The following ESD variants were observed in gnomAD, a reference collection of about 807,000 sequenced individuals.
The protein encoded by ESD is S-formylglutathione hydrolase.
A neutral mutation model predicts 38.1 loss-of-function variants in ESD; 34 were observed. The observed-to-expected ratio is 0.89, with a 90% CI of 0.68 to 1.19. The LOEUF is 1.19. Ranked by LOEUF, ESD falls within the 50% of genes most tolerant of loss-of-function variation. The pLI is 0.00. For synonymous variants in ESD, 97 were observed against 107.0 expected (o/e 0.91, Z 0.58); for missense variants, 334 against 327.2 (o/e 1.02, Z -0.16).
At chr13:46,786,890 G>C in intron 4 of ESD, 131 bp downstream of exon 4, 1 of 441,312 alleles carries the variant, frequency 2.3e-6, no homozygotes. Flanking sequence ...TAACAGAGTA[G>C]ACTATGACAG....
intron 3 of ESD, among the ~76,000 whole-genome samples, chr13:46,789,822 TTA>T (rs1875327230): frequency 6.6e-6 from 1 of 151,776 alleles, no homozygotes; most frequent in African/African-American, 2.4e-5. Context: ...TTTTTTTATT[TTA>T]TGTTTTTTGA....
At position 46,789,496 on chromosome 13, in the gene ESD, C is replaced by T. The variant is rs1363368383; in HGVS notation, c.68+1850G>A. ...GAGAATTTTCTTTGTTCCCAACACT[C>T]TAAAACTTTACTATGTTGTTGGTGT... is the stretch of plus-strand genomic sequence containing the variant. On this transcript the variant is annotated intron_variant, in intron 3 of 9. Transcript: ENST00000378720. Among the ~76,000 whole-genome samples the T allele has an allele frequency of 3.3e-5, 5 of 152,188 alleles. 1 individual carries two copies. The highest frequency in any genetic ancestry group is 1.2e-4 in the African/African-American group (5 of 41,454).
At chr13:46,793,864 G>T (rs1875478043) in intron 1 of ESD, among the ~76,000 whole-genome samples, 1 of 151,938 alleles carries the variant, frequency 6.6e-6, no homozygotes, top group African/African-American at 2.4e-5. Flanking sequence ...AGTCGAACTT[G>T]TAACATGGGG....
intron 3 of ESD, among the ~76,000 whole-genome samples, chr13:46,788,818 T>C (rs1875289538): frequency 1.3e-5 from 2 of 152,072 alleles, no homozygotes; most frequent in Non-Finnish European, 2.9e-5. Flanking sequence ...CATGTATCAC[T>C]AATTCAATAC....
At chr13:46,788,864 C>T (rs145438003) in intron 3 of ESD, among the ~76,000 whole-genome samples, 1,935 of 152,104 alleles carry the variant, frequency 0.013, 22 homozygotes, top group Admixed American at 0.021. Context: ...TCATAAATTT[C>T]CTCTCTAATA....
Position 46,781,491 on chromosome 13 carries a change from C to G in ESD, c.501+5G>C, listed in dbSNP as rs1251081180. On this transcript the variant is annotated splice_donor_5th_base_variant and intron_variant, in intron 7 of 9. Transcript: ENST00000378720. ...ATTTATCACTAGAAGTTTAGATAAT[C>G]TTACTTTGTATTTTCCAGGATTTTT... 6.3e-7 allele frequency: 1 copy of G among 1,588,432 alleles called. No homozygotes were observed. Among genetic ancestry groups the G allele is most frequent in the South Asian group, 1.2e-5 (1 of 86,286 alleles).
chr13:46,780,034 C>T lies in ESD; in HGVS notation c.502-1G>A, dbSNP rs2138289881. The T allele has an allele frequency of 1.3e-6, 2 of 1,575,102 alleles. No homozygotes were observed. The highest frequency in any genetic ancestry group is 2.3e-5 in the East Asian group (1 of 43,884). The stretch of plus-strand genomic sequence containing the variant: ...AAATTGGAGCAAATGCTGACACAGA[C>T]TTCAGAAACAAAAGAAATTTAAAAA... On this transcript the variant is annotated splice_acceptor_variant, in intron 7 of 9. Transcript: ENST00000378720. LOFTEE classifies it high-confidence loss of function.
At chr13:46,780,054 T>A (rs775599639) in intron 7 of ESD, 21 bp from the exon 8 acceptor site, 2 of 1,505,078 alleles carry the variant, frequency 1.3e-6, no homozygotes, top group Non-Finnish European at 1.8e-6. Context: ...AAAAGAAATT[T>A]AAAAACAAGT....
intron 8 of ESD, among the ~76,000 whole-genome samples, chr13:46,778,709 A>G (rs183780673): frequency 6.6e-5 from 10 of 151,908 alleles, no homozygotes; most frequent in Admixed American, 5.9e-4. Flanking sequence ...TTTGCACCAG[A>G]TGAAGACTCA....
intron 3 of ESD, among the ~76,000 whole-genome samples, chr13:46,790,008 A>ATATATATAT (rs1555293852): frequency 7.4e-6 from 1 of 136,050 alleles, no homozygotes; most frequent in Non-Finnish European, 1.5e-5. Flanking sequence ...ATATATATAT[A>ATATATATAT]TTTTTTTTTT....
intron 6 of ESD, 81 bp from the exon 7 acceptor site, chr13:46,781,696 C>T: frequency 7.9e-7 from 1 of 1,258,322 alleles, no homozygotes; most frequent in Non-Finnish European, 1.1e-6. Flanking sequence ...AATAATTACA[C>T]AATCAATACT....
chr13:46,791,748 T>C (rs1411159558), intron 2 of ESD, among the ~76,000 whole-genome samples: 2 of 152,084 alleles, frequency 1.3e-5, no homozygotes, highest in Non-Finnish European at 2.9e-5. Context: ...TACCTTAGTT[T>C]AGAAGATTAA....
rs9778 is a variant in ESD at position 46,779,966 on chromosome 13, C to G, written c.569G>C (p.Gly190Ala). ...LCPWGKKAFS[G>A]YLGTDQSKWK... The stretch of plus-strand genomic sequence containing the variant: ...TTTACTTTGATCTGTTCCCAAATAT[C>G]CACTAAAGGCTTTTTTGCCCCAGGG... Residue 190 changes from glycine (G) to alanine (A), a missense_variant, in exon 8 of 10, where the codon GGA (glycine) becomes GCA (alanine). By Grantham distance (60) the Gly-to-Ala change is moderately conservative (BLOSUM62 0). Transcript: ENST00000378720. 1 of 1,604,262 alleles carries G rather than the reference C, an allele frequency of 6.2e-7. No individual in the cohort carries two copies. Among genetic ancestry groups the G allele is most frequent in the Admixed American group, 1.7e-5 (1 of 59,414 alleles).
chr13:46,794,172 A>C (rs893921656), intron 1 of ESD, among the ~76,000 whole-genome samples: 3 of 151,858 alleles, frequency 2.0e-5, no homozygotes, highest in African/African-American at 7.3e-5. Context: ...AACAACAACA[A>C]CAACAACAAC....
At chr13:46,791,825 T>G (rs973074008) in intron 2 of ESD, among the ~76,000 whole-genome samples, 4 of 151,972 alleles carry the variant, frequency 2.6e-5, no homozygotes, top group Non-Finnish European at 5.9e-5. Context: ...CTGATTATAG[T>G]TGATTTTAAA....
At chr13:46,787,992 A>G (rs755639775) in intron 3 of ESD, among the ~76,000 whole-genome samples, 4 of 151,910 alleles carry the variant, frequency 2.6e-5, no homozygotes, top group Admixed American at 6.6e-5. Context: ...GAAGGATTTT[A>G]GTTAACTTTC....
Position 46,779,948 on chromosome 13 carries a change from T to C in ESD, c.587A>G (p.Gln196Arg). ...KAFSGYLGTD[Q>R]SKWKAYDATH... ...TTCAGTACCTACCTTCCATTTACTTTGATCTGTTCCCAAATATCCACTAAA... is the reference window on the plus strand; with the variant it reads ...TTCAGTACCTACCTTCCATTTACTTCGATCTGTTCCCAAATATCCACTAAA... Residue 196 changes from glutamine to arginine, a missense_variant, in exon 8 of 10, where the codon CAA becomes CGA. Transcript: ENST00000378720. 6.2e-7 allele frequency: 1 copy of C among 1,604,602 alleles called. No individual in the cohort carries two copies. Among genetic ancestry groups the C allele is most frequent in the Non-Finnish European group, 8.5e-7 (1 of 1,173,774 alleles).
At chr13:46,790,004 A>ATT (rs1156982684) in intron 3 of ESD, among the ~76,000 whole-genome samples, 6 of 87,076 alleles carry the variant, frequency 6.9e-5, no homozygotes, top group Middle Eastern at 6.2e-3. Context: ...ATATATATAT[A>ATT]TATATTTTTT....
intron 3 of ESD, among the ~76,000 whole-genome samples, chr13:46,787,509 G>A (rs1426924552): frequency 6.6e-6 from 1 of 151,934 alleles, no homozygotes; most frequent in Non-Finnish European, 1.5e-5. Context: ...GCACTAAAAT[G>A]CAACACATCC....
Sources: allele counts gnomAD v4.1 joint callset (sites outside exome capture counted in the v4.1 genomes callset), GRCh38; gene constraint gnomAD v4.1.1; transcripts MANE v1.5; gene names NCBI Gene and HGNC (gene_info 2026-07-23, HGNC 2026-07-21).